NAV2: variants seen among roughly 807,000 people sequenced by gnomAD.
The protein encoded by NAV2 is neuron navigator 2.
Under a neutral mutation model 223.2 loss-of-function variants are expected in NAV2, and 54 were observed. The ratio of observed to expected loss-of-function variants is 0.24; its 90% CI spans 0.19 to 0.30. NAV2 has a LOEUF of 0.30. Among genes scored for constraint, NAV2 ranks in the 10% least tolerant of loss-of-function variants. NAV2 has a pLI of 1.00. For missense variants in NAV2, 2,806 were observed against 3,147.5 expected, an observed-to-expected ratio of 0.89 and a Z score of 2.60; for synonymous variants, 1,279 against 1,239.3, an observed-to-expected ratio of 1.03 and a Z score of -0.67.
intron 1 of NAV2, among the ~76,000 whole-genome samples, chr11:19,412,554 G>C (rs1850190816): frequency 6.6e-6 from 1 of 152,238 alleles, no homozygotes; most frequent in African/African-American, 2.4e-5. Context: ...GGATCTCCCA[G>C]CACAGCAATC....
rs1389422319 is a variant in NAV2 at position 19,886,224 on chromosome 11, C to T, written c.770+6097C>T. On this transcript the variant is annotated intron_variant, in intron 5 of 37. Coordinates refer to ENST00000349880, the MANE Select transcript of NAV2 (RefSeq NM_145117.5). Reference sequence around the variant, plus strand: ...AACTCCTGGGCTCAAGCAATCCTCCCGCCTTGGCCTCCCAGGGCGCTGGGA... The same window carrying T: ...AACTCCTGGGCTCAAGCAATCCTCCTGCCTTGGCCTCCCAGGGCGCTGGGA... Among the ~76,000 whole-genome samples, 8 of 152,224 alleles carry T rather than the reference C, an allele frequency of 5.3e-5. 1 individual carries two copies. The highest frequency in any genetic ancestry group is 2.6e-4 in the Admixed American group (4 of 15,294).
intron 5 of NAV2, among the ~76,000 whole-genome samples, chr11:19,891,993 C>T (rs534473123): frequency 1.3e-5 from 2 of 152,100 alleles, no homozygotes; most frequent in South Asian, 4.1e-4. Context: ...GGGTCCCACT[C>T]TGTCACCCAG....
At chr11:19,640,012 T>G (rs542828035) in intron 1 of NAV2, among the ~76,000 whole-genome samples, 1 of 152,324 alleles carries the variant, frequency 6.6e-6, no homozygotes, top group Admixed American at 6.5e-5. Context: ...AGTCAGTTTG[T>G]GTATGTAAGT....
At chr11:19,975,440 C>T (rs1034290454) in intron 10 of NAV2, among the ~76,000 whole-genome samples, 3 of 152,064 alleles carry the variant, frequency 2.0e-5, no homozygotes, top group African/African-American at 7.2e-5. Context: ...TTAAAATGCT[C>T]CTGGACTTTA....
At chr11:19,505,044 C>T (rs1034728155) in intron 1 of NAV2, 1 of 152,284 alleles carries the variant, frequency 6.6e-6, no homozygotes, top group African/African-American at 2.4e-5. Flanking sequence ...TTCCCATCTT[C>T]CCATTCTCTC....
At chr11:19,507,299 T>G (rs1189144087) in intron 1 of NAV2, 1 of 152,224 alleles carries the variant, frequency 6.6e-6, no homozygotes, top group Non-Finnish European at 1.5e-5. Context: ...GGCCAGCTGT[T>G]GTTTCATTTC....
chr11:19,940,927 C>A (rs1414461302), intron 8 of NAV2, among the ~76,000 whole-genome samples: 1 of 152,138 alleles, frequency 6.6e-6, no homozygotes, highest in Non-Finnish European at 1.5e-5. Flanking sequence ...GGGAAAAGGA[C>A]CAGCAATGAG....
rs1221071485 is a variant in NAV2 at position 19,571,286 on chromosome 11, G to A, written c.75+220259G>A. ...GTTGTTGCCAGGGGCAAAGGAGAGG[G>A]CAGGAATGGCAACTGACTCCTTAAT... On this transcript the variant is annotated intron_variant, in intron 1 of 37. Coordinates refer to the NAV2 transcript ENST00000360655. Among the ~76,000 whole-genome samples the A allele has an allele frequency of 2.6e-5, 4 of 152,326 alleles. No individual in the cohort carries two copies. The South Asian group carries it at 6.2e-4, about 24-fold the overall frequency.
At chr11:20,103,566 AAGCACAG>A (rs2061798032) in intron 33 of NAV2, 80 bp from the exon 34 acceptor site, 1 of 1,518,626 alleles carries the variant, frequency 6.6e-7, no homozygotes, top group Non-Finnish European at 9.1e-7. Flanking sequence ...ACTGGCCTGG[AAGCACAG>A]GGCCATGGGC....
chr11:19,499,709 T>C (rs1421765455), intron 1 of NAV2, among the ~76,000 whole-genome samples: 1 of 152,170 alleles, frequency 6.6e-6, no homozygotes, highest in Non-Finnish European at 1.5e-5. Flanking sequence ...TGTGATAATA[T>C]AAGGTTCACA....
intron 1 of NAV2, among the ~76,000 whole-genome samples, chr11:19,582,119 T>C (rs2045737989): frequency 6.6e-6 from 1 of 152,250 alleles, no homozygotes. Context: ...TGGCCAGTTA[T>C]GATGAGCATT....
At chr11:19,415,223 G>A (rs1850314794) in intron 1 of NAV2, among the ~76,000 whole-genome samples, 1 of 152,116 alleles carries the variant, frequency 6.6e-6, no homozygotes, top group African/African-American at 2.4e-5. Context: ...AGAAAAGAGA[G>A]AAGAGTCAAA....
chr11:20,086,494 C>A (rs2060454568), intron 26 of NAV2, among the ~76,000 whole-genome samples: 1 of 152,182 alleles, frequency 6.6e-6, no homozygotes, highest in African/African-American at 2.4e-5. Context: ...GTCCCTTTGC[C>A]CCTGCTTCAT....
chr11:19,398,673 A>AACCTC (rs1849563117), intron 1 of NAV2, among the ~76,000 whole-genome samples: 1 of 152,022 alleles, frequency 6.6e-6, no homozygotes, highest in African/African-American at 2.4e-5. Context: ...TAATTTCCTG[A>AACCTC]AGCTCAGTTT....
chr11:20,088,238 C>T (rs768778341), intron 26 of NAV2, among the ~76,000 whole-genome samples: 7 of 152,154 alleles, frequency 4.6e-5, no homozygotes, highest in Non-Finnish European at 8.8e-5. Context: ...AGTGCAGTGG[C>T]GCGATCTTGG....
intron 4 of NAV2, 146 bp downstream of exon 4, chr11:19,869,143 CT>C: frequency 1.3e-6 from 1 of 753,344 alleles, no homozygotes; most frequent in East Asian, 2.8e-5. Flanking sequence ...CAGTGGTTGC[CT>C]AGACTTGAGG....
At chr11:19,589,843 C>T (rs2046007063) in intron 1 of NAV2, among the ~76,000 whole-genome samples, 1 of 152,102 alleles carries the variant, frequency 6.6e-6, no homozygotes, top group Non-Finnish European at 1.5e-5. Flanking sequence ...AGAAGGCACA[C>T]TGTAGGGTAG....
chr11:19,630,137 A>C (rs560465691), intron 1 of NAV2, among the ~76,000 whole-genome samples: 3 of 152,158 alleles, frequency 2.0e-5, no homozygotes, highest in African/African-American at 7.2e-5. Flanking sequence ...TACCCAGTAT[A>C]CACAGCCTGG....
chr11:20,003,450 G>A (rs542709697), intron 11 of NAV2, among the ~76,000 whole-genome samples: 8 of 152,254 alleles, frequency 5.3e-5, no homozygotes, highest in African/African-American at 1.7e-4. Context: ...ACCAGAATCC[G>A]GGTCCTCTGA....
Sources: gnomAD v4.1 joint callset for allele counts (sites outside exome capture counted in the v4.1 genomes callset) on GRCh38, gnomAD v4.1.1 for gene constraint, MANE v1.5 for transcripts, NCBI Gene and HGNC (gene_info 2026-07-23, HGNC 2026-07-21) for gene names.